The following MZF1 variants were observed in gnomAD, a reference collection of about 807,000 sequenced individuals.
MZF1 encodes myeloid zinc finger 1.
MZF1 carries 24 observed loss-of-function variants against 28.6 expected under a neutral mutation model. That is an observed-to-expected ratio of 0.84 (90% CI 0.61 to 1.18). The LOEUF (loss-of-function observed/expected upper bound fraction) is 1.18, where lower values mean the gene tolerates loss of function less well. Ranked by LOEUF, MZF1 falls within the 50% of genes most tolerant of loss-of-function variation. The pLI, the probability that MZF1 is intolerant of heterozygous loss-of-function variation, is 0.00. For synonymous variants in MZF1, 516 were observed against 432.5 expected (o/e 1.19, Z -2.40); for missense variants, 1,166 against 1,026.4 (o/e 1.14, Z -1.86).
intron 5 of MZF1, among the ~76,000 whole-genome samples, chr19:58,565,220 G>T (rs1438211479): frequency 5.3e-5 from 8 of 151,488 alleles, no homozygotes; most frequent in Admixed American, 5.3e-4. Context: ...TCAGTCTCCC[G>T]AGTAGCTGGG....
At position 58,562,791 on chromosome 19, in the gene MZF1, G is replaced by A. The variant is rs190254725; in HGVS notation, c.1486C>T (p.Arg496Trp). ...TGGTGCTCCAGCAGCACGGCGCGCCGCGCGAAGCTCTCGCGGCACTCGCTG... is the reference window on the plus strand; with the variant it reads ...TGGTGCTCCAGCAGCACGGCGCGCCACGCGAAGCTCTCGCGGCACTCGCTG... Reference protein sequence around the residue: ...PCSECRESFARRAVLLEHQAV... With the variant: ...PCSECRESFAWRAVLLEHQAV... Residue 496 changes from arginine to tryptophan, a missense_variant, in exon 6 of 6, where the codon CGG (arginine) becomes TGG (tryptophan). Coordinates refer to ENST00000215057, the MANE Select transcript of MZF1 (RefSeq NM_198055.2). The A allele has an allele frequency of 7.2e-6, 11 of 1,534,346 alleles. No individual in the cohort carries two copies. In the East Asian group the frequency reaches 2.4e-4, roughly 34 times the overall value.
intron 2 of MZF1, 151 bp downstream of exon 2, chr19:58,570,841 GCC>G (rs942059023): frequency 1.2e-6 from 1 of 820,510 alleles, no homozygotes; most frequent in Non-Finnish European, 1.9e-6. Context: ...GAATCCCTCT[GCC>G]CTGGGCAGCC....
chr19:58,570,959 C>G, intron 2 of MZF1, 35 bp downstream of exon 2: 1 of 1,563,572 alleles, frequency 6.4e-7, no homozygotes. Context: ...GGATGATGCT[C>G]CAGTCCTGAA....
intron 1 of MZF1, chr19:58,572,628 A>T: frequency 2.3e-6 from 3 of 1,289,560 alleles, no homozygotes; most frequent in Non-Finnish European, 2.0e-6. Flanking sequence ...GCACCGCAGA[A>T]TCATTCCCCC....
chr19:58,567,335 G>A (rs1300016242), intron 5 of MZF1, among the ~76,000 whole-genome samples: 1 of 152,222 alleles, frequency 6.6e-6, no homozygotes, highest in African/African-American at 2.4e-5. Flanking sequence ...CTGCTGCTGT[G>A]GGCTCTGTCT....
chr19:58,569,887 C>T (rs1188927863), intron 3 of MZF1: 3 of 367,168 alleles, frequency 8.2e-6, no homozygotes, highest in African/African-American at 6.3e-5. Flanking sequence ...CAAGGGTCCA[C>T]ATAGGAATGG....
intron 5 of MZF1, among the ~76,000 whole-genome samples, chr19:58,567,881 C>G (rs996052986): frequency 2.0e-5 from 3 of 152,042 alleles, no homozygotes; most frequent in South Asian, 4.1e-4. Context: ...AATGAAAGAA[C>G]AACAGGAGAC....
At chr19:58,569,828 G>A (rs1039007029) in intron 3 of MZF1, 27 of 502,634 alleles carry the variant, frequency 5.4e-5, no homozygotes, top group Admixed American at 1.8e-4. Context: ...CCCTGTAGCC[G>A]TATGTGAACC....
At position 58,572,112 on chromosome 19, in the gene MZF1, A is replaced by T. The variant is rs556443934; in HGVS notation, c.-40-683T>A. On this transcript the variant is annotated intron_variant, in intron 1 of 5. Transcript: ENST00000215057. Reference sequence around the variant, plus strand: ...GCACCTATACACCTACAGCCTGGGCATCAGCATCACTGCTGGCGTCTCCCC... The same window carrying T: ...GCACCTATACACCTACAGCCTGGGCTTCAGCATCACTGCTGGCGTCTCCCC... Among the ~76,000 whole-genome samples, 30 of 152,198 alleles carry T rather than the reference A, an allele frequency of 2.0e-4. No individual in the cohort carries two copies. In the South Asian group the frequency reaches 6.0e-3, roughly 31 times the overall value.
intron 5 of MZF1, 186 bp downstream of exon 5, chr19:58,569,090 TG>T: frequency 1.5e-6 from 1 of 653,234 alleles, no homozygotes; most frequent in Non-Finnish European, 2.4e-6. Context: ...GTGGTAGTGG[TG>T]GGTGGCTTTT....
Position 58,571,266 on chromosome 19 carries a change from C to T in MZF1, c.124G>A (p.Ala42Thr), listed in dbSNP as rs756537596. ...EAALWDPGPE[A>T]ARLRFRCFRY... ...AAGCACCGGAAACGCAGGCGTGCAG[C>T]TTCAGGGCCTGGGTCCCATAAGGCA... is the stretch of plus-strand genomic sequence containing the variant. The change falls in exon 2 of 6, where the codon GCT becomes ACT. Residue 42 changes from alanine (A) to threonine (T), a missense_variant. Physicochemically the swap from Ala to Thr is moderately conservative, Grantham distance 58. Transcript: ENST00000215057. 3 of 1,613,458 alleles carry T rather than the reference C, an allele frequency of 1.9e-6. No individual in the cohort carries two copies. The highest frequency in any genetic ancestry group is 2.2e-5 in the South Asian group (2 of 90,948).
At chr19:58,566,897 C>T (rs1286696095) in intron 5 of MZF1, among the ~76,000 whole-genome samples, 1 of 138,204 alleles carries the variant, frequency 7.2e-6, no homozygotes, top group African/African-American at 2.7e-5. Flanking sequence ...AGTTTTATTC[C>T]CAAGACTCTT....
chr19:58,562,518 G>A lies in MZF1; in HGVS notation c.1759C>T (p.His587Tyr). ...AFRQRPTLTQHLRVHTGEKPF... is the reference protein window; with the variant it reads ...AFRQRPTLTQYLRVHTGEKPF... ...TTCTCGCCCGTGTGTACGCGGAGATGCTGCGTGAGCGTAGGCCGCTGGCGG... is the reference window on the plus strand; with the variant it reads ...TTCTCGCCCGTGTGTACGCGGAGATACTGCGTGAGCGTAGGCCGCTGGCGG... Residue 587 changes from histidine to tyrosine, a missense_variant, in exon 6 of 6, where the codon CAT (histidine) becomes TAT (tyrosine). Transcript: ENST00000215057. 1.2e-6 allele frequency: 2 copies of A among 1,610,096 alleles called. No homozygotes were observed. Among genetic ancestry groups the A allele is most frequent in the Non-Finnish European group, 8.5e-7 (1 of 1,178,942 alleles).
chr19:58,563,521 A>G lies in MZF1; in HGVS notation c.773-17T>C. The G allele has an allele frequency of 6.6e-7, 1 of 1,508,348 alleles. No individual in the cohort carries two copies. The highest frequency in any genetic ancestry group is 8.9e-7 in the Non-Finnish European group (1 of 1,121,596). The allele number at this position is 1,508,348 out of a possible 1,614,324, so 93.4% of individuals were successfully genotyped here. A position where few individuals can be genotyped will look rare whatever the true frequency, so the allele number is the denominator to read the frequency against. On this transcript the variant is annotated splice_polypyrimidine_tract_variant and intron_variant, in intron 5 of 5. Transcript: ENST00000215057. ...GCGCGAACCCTGCATACACAAGGGGACCATTCATTCATGACAGAATGCCCA... is the reference window on the plus strand; with the variant it reads ...GCGCGAACCCTGCATACACAAGGGGGCCATTCATTCATGACAGAATGCCCA...
Position 58,570,460 on chromosome 19 carries a change from A to G in MZF1, c.464T>C (p.Leu155Pro), listed in dbSNP as rs1412309061. The G allele has an allele frequency of 6.2e-7, 1 of 1,613,758 alleles. No individual in the cohort carries two copies. The highest frequency in any genetic ancestry group is 1.7e-5 in the Admixed American group (1 of 59,986). ...TGGAGTTGGAGGCTCAGTTTCAGGT[A>G]GGGGCTGGAAACTGGAGGGCTCCAT... Reference protein sequence around the residue: ...EKMEPSSFQPLPETEPPTPEP... With the variant: ...EKMEPSSFQPPPETEPPTPEP... Residue 155 changes from leucine to proline, a missense_variant, in exon 3 of 6, where the codon CTA becomes CCA. Coordinates refer to ENST00000215057, the MANE Select transcript of MZF1 (RefSeq NM_198055.2).
chr19:58,569,445 G>A (rs934692077), intron 4 of MZF1, 48 bp from the exon 5 acceptor site: 13 of 1,613,816 alleles, frequency 8.1e-6, no homozygotes, highest in African/African-American at 6.7e-5. Context: ...TGGGCTCAGG[G>A]AGGGACCTAC....
At chr19:58,567,962 T>TG (rs773990245) in intron 5 of MZF1, among the ~76,000 whole-genome samples, 31 of 152,110 alleles carry the variant, frequency 2.0e-4, no homozygotes, top group Admixed American at 4.6e-4. Context: ...AGAGACCAGA[T>TG]GAAGTAGCTC....
chr19:58,573,356 C>G (rs1354805467), upstream of MZF1: 1 of 152,572 alleles, frequency 6.6e-6, no homozygotes, highest in African/African-American at 2.4e-5. Flanking sequence ...GCATGCCCCC[C>G]ACCACGTTTT....
intron 1 of MZF1, chr19:58,572,062 C>T (rs1276348173): frequency 6.2e-6 from 1 of 160,280 alleles, no homozygotes; most frequent in Non-Finnish European, 1.4e-5. Context: ...TCCTGCGCTA[C>T]AGCTCTCTCT....
Sources: gnomAD v4.1 joint callset for allele counts (sites outside exome capture counted in the v4.1 genomes callset) on GRCh38, gnomAD v4.1.1 for gene constraint, MANE v1.5 for transcripts, NCBI Gene and HGNC (gene_info 2026-07-23, HGNC 2026-07-21) for gene names.